The following SUPT3H variants were observed in gnomAD, a reference collection of about 807,000 sequenced individuals.
The protein encoded by SUPT3H is transcription initiation protein SPT3 homolog.
SUPT3H carries 44 observed loss-of-function variants against 44.3 expected under a neutral mutation model. The observed-to-expected ratio is 0.99, with a 90% CI of 0.78 to 1.28. The LOEUF (loss-of-function observed/expected upper bound fraction) is 1.28. SUPT3H is among the 50% of genes most tolerant of loss of function. The probability of loss-of-function intolerance (pLI) is 0.00; values close to 1 mark genes in which losing one functional copy is unlikely to be tolerated. For synonymous variants in SUPT3H, 124 were observed against 125.6 expected (o/e 0.99, Z 0.09); for missense variants, 380 against 387.1 (o/e 0.98, Z 0.15).
chr6:45,213,051 CCCA>C (rs796748999), intron 2 of SUPT3H, among the ~76,000 whole-genome samples: 9 of 152,252 alleles, frequency 5.9e-5, no homozygotes, highest in African/African-American at 2.2e-4. Flanking sequence ...ACACCAAGCT[CCCA>C]CCAATATTCT....
intron 11 of SUPT3H, among the ~76,000 whole-genome samples, chr6:44,810,308 C>T (rs1295071291): frequency 1.3e-5 from 2 of 152,234 alleles, no homozygotes; most frequent in Admixed American, 1.3e-4. Flanking sequence ...TAACAGAAGA[C>T]GGAAGTTATA....
chr6:44,819,948 T>C (rs1173072668), intron 11 of SUPT3H, among the ~76,000 whole-genome samples: 2 of 152,108 alleles, frequency 1.3e-5, no homozygotes, highest in Admixed American at 1.3e-4. Context: ...ATAGGCCAGG[T>C]GCAGTGGCTC....
At chr6:45,125,301 A>G (rs1043544521) in intron 2 of SUPT3H, among the ~76,000 whole-genome samples, 1 of 152,240 alleles carries the variant, frequency 6.6e-6, no homozygotes, top group South Asian at 2.1e-4. Flanking sequence ...AGTCCAAAAT[A>G]AACCATGAAT....
chr6:45,272,458 T>A (rs1776342151), intron 2 of SUPT3H, among the ~76,000 whole-genome samples: 1 of 152,214 alleles, frequency 6.6e-6, no homozygotes, highest in Non-Finnish European at 1.5e-5. Flanking sequence ...CTGCCATAAT[T>A]GTGAGGCTTC....
intron 2 of SUPT3H, among the ~76,000 whole-genome samples, chr6:45,330,369 AG>A (rs1787220058): frequency 6.6e-6 from 1 of 152,016 alleles, no homozygotes; most frequent in Non-Finnish European, 1.5e-5. Flanking sequence ...AAAAGGAAAA[AG>A]AATAGTTAAA....
At chr6:45,054,193 C>T (rs551082384) in intron 3 of SUPT3H, among the ~76,000 whole-genome samples, 5 of 151,754 alleles carry the variant, frequency 3.3e-5, no homozygotes, top group Admixed American at 6.6e-5. Context: ...TCTTCTCCCC[C>T]CTGTAAGCTG....
chr6:45,092,461 T>C (rs903670133), intron 3 of SUPT3H, among the ~76,000 whole-genome samples: 1 of 152,046 alleles, frequency 6.6e-6, no homozygotes, highest in African/African-American at 2.4e-5. Context: ...ATTAAAAAAT[T>C]TGAAGTCAGC....
At chr6:45,328,369 C>A (rs777173077) in intron 2 of SUPT3H, 1 of 1,386,938 alleles carries the variant, frequency 7.2e-7, no homozygotes, top group African/African-American at 1.5e-5. Flanking sequence ...AAGTGCGGTG[C>A]AAACTTTCTC....
intron 10 of SUPT3H, among the ~76,000 whole-genome samples, chr6:44,901,358 A>G (rs1481502886): frequency 6.6e-6 from 1 of 152,226 alleles, no homozygotes; most frequent in Non-Finnish European, 1.5e-5. Flanking sequence ...ACCAAGGCAC[A>G]AGAACTACGT....
intron 2 of SUPT3H, among the ~76,000 whole-genome samples, chr6:45,109,704 C>T (rs1310092730): frequency 6.6e-6 from 1 of 152,296 alleles, no homozygotes; most frequent in Non-Finnish European, 1.5e-5. Flanking sequence ...TTGTTCTAGT[C>T]GTTTTTGGAA....
At chr6:45,012,081 T>C (rs1332483422) in intron 5 of SUPT3H, among the ~76,000 whole-genome samples, 3 of 151,486 alleles carry the variant, frequency 2.0e-5, no homozygotes, top group African/African-American at 7.3e-5. Flanking sequence ...CTTGTGACTT[T>C]CATGATTTTT....
chr6:45,289,793 GTTTAGAT>G (rs1339213492), intron 2 of SUPT3H, among the ~76,000 whole-genome samples: 5 of 152,178 alleles, frequency 3.3e-5, no homozygotes, highest in South Asian at 2.1e-4. Context: ...TATGCTTGCT[GTTTAGAT>G]TTTAAACAAA....
At chr6:45,339,957 A>G (rs1789413917) in intron 2 of SUPT3H, among the ~76,000 whole-genome samples, 1 of 152,180 alleles carries the variant, frequency 6.6e-6, no homozygotes, top group African/African-American at 2.4e-5. Context: ...TATATGAGAC[A>G]TGTATCATAA....
chr6:44,978,394 G>T (rs574530537), intron 6 of SUPT3H, among the ~76,000 whole-genome samples: 1 of 152,170 alleles, frequency 6.6e-6, no homozygotes, highest in Non-Finnish European at 1.5e-5. Flanking sequence ...GAATGGAACT[G>T]TGATTTTAAT....
chr6:45,274,853 G>A (rs1327117555), intron 2 of SUPT3H, among the ~76,000 whole-genome samples: 1 of 152,150 alleles, frequency 6.6e-6, no homozygotes, highest in African/African-American at 2.4e-5. Flanking sequence ...TGTGGCCTGG[G>A]TGACAGAGCA....
At position 45,212,481 on chromosome 6, in the gene SUPT3H, A is replaced by ATGTGTGTG. The variant is rs11269206; in HGVS notation, c.102-106483_102-106476dup. Among the ~76,000 whole-genome samples, 315 of 43,260 alleles carry ATGTGTGTG rather than the reference A, an allele frequency of 7.3e-3. 4 individuals are homozygous for ATGTGTGTG. Among genetic ancestry groups the ATGTGTGTG allele is most frequent in the East Asian group, 0.015 (14 of 912 alleles). 28.4% of individuals were successfully genotyped at this position (43,260 alleles called of 152,430 possible). A position where few individuals can be genotyped will look rare whatever the true frequency, so the allele number is the denominator to read the frequency against. ...TCTGAAACTTCCCTCCACCTCCACT[A>ATGTGTGTG]TGTGTGTGTGTGTGTGTGTGTGTGT... On this transcript the variant is annotated intron_variant, in intron 2 of 10. Transcript: ENST00000371459.
chr6:45,291,588 G>C (rs961138833), intron 2 of SUPT3H, among the ~76,000 whole-genome samples: 3 of 152,124 alleles, frequency 2.0e-5, no homozygotes, highest in African/African-American at 7.2e-5. Context: ...CAGGGAAACA[G>C]TATAAATAAA....
At chr6:44,856,899 TG>T (rs1561897676) in intron 10 of SUPT3H, among the ~76,000 whole-genome samples, 1 of 152,180 alleles carries the variant, frequency 6.6e-6, no homozygotes, top group African/African-American at 2.4e-5. Context: ...CAGTTTGACA[TG>T]GAACTCATAA....
intron 3 of SUPT3H, among the ~76,000 whole-genome samples, chr6:45,105,428 T>G (rs1391421825): frequency 6.6e-6 from 1 of 152,168 alleles, no homozygotes; most frequent in Non-Finnish European, 1.5e-5. Context: ...TTTTTTAACT[T>G]TTAATTTTTG....
Sources: allele counts gnomAD v4.1 joint callset (sites outside exome capture counted in the v4.1 genomes callset), GRCh38; gene constraint gnomAD v4.1.1; transcripts MANE v1.5; gene names NCBI Gene and HGNC (gene_info 2026-07-23, HGNC 2026-07-21).